FKBP11: variants seen among roughly 807,000 people sequenced by gnomAD.
FKBP11 encodes the protein peptidyl-prolyl cis-trans isomerase FKBP11.
A neutral mutation model predicts 24.7 loss-of-function variants in FKBP11; 21 were observed. The ratio of observed to expected loss-of-function variants is 0.85; its 90% CI spans 0.60 to 1.23. The LOEUF is 1.23. Among genes scored for constraint, FKBP11 ranks in the 50% most tolerant of loss-of-function variants. The pLI is 0.00. For missense variants in FKBP11, 245 were observed against 248.7 expected (o/e 0.99, Z 0.10); for synonymous variants, 106 against 100.6 (o/e 1.05, Z -0.32).
At chr12:48,928,268 C>T (rs1565702160), upstream of FKBP11, among the ~76,000 whole-genome samples, 2 of 151,564 alleles carry the variant, frequency 1.3e-5, no homozygotes, top group East Asian at 3.9e-4. Flanking sequence ...TGGTCTCGAA[C>T]TCCTGGAGTC....
Position 48,922,215 on chromosome 12 carries a change from G to A in FKBP11, c.389-14C>T, listed in dbSNP as rs1389021470. ...CCACTGCATCCGCTGGAGAGGCAGA[G>A]GGGTGGAGAGGGTTAGACTCTCTGC... On this transcript the variant is annotated splice_polypyrimidine_tract_variant and intron_variant, in intron 5 of 5. Coordinates refer to ENST00000550765, the MANE Select transcript of FKBP11 (RefSeq NM_016594.3). 6.2e-7 allele frequency: 1 copy of A among 1,605,882 alleles called. No homozygotes were observed. The highest frequency in any genetic ancestry group is 1.1e-5 in the South Asian group (1 of 90,766).
At chr12:48,928,337 G>A (rs1156907036), upstream of FKBP11, among the ~76,000 whole-genome samples, 2 of 150,744 alleles carry the variant, frequency 1.3e-5, no homozygotes. Context: ...CAGTCACCAC[G>A]CCCAGCTCAC....
chr12:48,932,229 A>ATT, the FKBP11 span, among the ~76,000 whole-genome samples: 3 of 24,720 alleles, frequency 1.2e-4, no homozygotes, highest in African/African-American at 5.9e-4. Context: ...ACATATATTT[A>ATT]TATATATATA....
chr12:48,927,825 G>A (rs990101898), upstream of FKBP11, among the ~76,000 whole-genome samples: 1 of 152,074 alleles, frequency 6.6e-6, no homozygotes, highest in East Asian at 1.9e-4. Context: ...GAAGCAAAAA[G>A]AAGCATAAGT....
intron 2 of FKBP11, 146 bp from the exon 3 acceptor site, chr12:48,924,794 C>T (rs1429729837): frequency 1.4e-6 from 2 of 1,463,926 alleles, no homozygotes; most frequent in Non-Finnish European, 1.8e-6. Flanking sequence ...AACAGGAAGC[C>T]CCAGAAGGCT....
chr12:48,925,085 C>G lies in FKBP11; in HGVS notation c.156G>C (p.Glu52Asp), dbSNP rs149689172. 1.9e-6 allele frequency: 3 copies of G among 1,610,760 alleles called. No homozygotes were observed. Among genetic ancestry groups the G allele is most frequent in the Non-Finnish European group, 2.5e-6 (3 of 1,178,638 alleles). The part of the protein sequence containing the change: ...TLVEPPEPCA[E>D]PAAFGDTLHI... Reference sequence around the variant, plus strand: ...GAAGCGTGTCTCCAAAAGCAGCGGGCTCGGCACATGGTTCTGGGGGCTCCA... The same window carrying G: ...GAAGCGTGTCTCCAAAAGCAGCGGGGTCGGCACATGGTTCTGGGGGCTCCA... Residue 52 changes from glutamate (E) to aspartate (D), a missense_variant, in exon 2 of 6, where the codon GAG (glutamate) becomes GAC (aspartate). Glu to Asp is a conservative substitution (Grantham distance 45, BLOSUM62 2). Coordinates refer to ENST00000550765, the MANE Select transcript of FKBP11 (RefSeq NM_016594.3).
upstream of FKBP11, among the ~76,000 whole-genome samples, chr12:48,931,079 A>G (rs375671030): frequency 7.4e-6 from 1 of 134,390 alleles, no homozygotes; most frequent in East Asian, 2.6e-4. Context: ...CAGTGAGCCG[A>G]GATCGCGCCA....
intron 3 of FKBP11, 97 bp downstream of exon 3, chr12:48,924,464 C>A: frequency 7.9e-7 from 1 of 1,258,066 alleles, no homozygotes; most frequent in Non-Finnish European, 1.2e-6. Flanking sequence ...GGGTCTTACT[C>A]ATTTCAGGGG....
upstream of FKBP11, chr12:48,925,713 T>C (rs1939951039): frequency 2.1e-6 from 1 of 471,138 alleles, no homozygotes; most frequent in East Asian, 3.5e-5. Context: ...ATAGCACCCA[T>C]TTACGATTAC....
intron 2 of FKBP11, 24 bp downstream of exon 2, chr12:48,925,022 G>GCCCCCCCCAC: frequency 1.2e-6 from 1 of 818,422 alleles, no homozygotes; most frequent in Non-Finnish European, 1.9e-6. Flanking sequence ...CCCAGGCCCC[G>GCCCCCCCCAC]CCCCGGCCCC....
intron 5 of FKBP11, 185 bp from the exon 6 acceptor site, chr12:48,922,386 T>C (rs572225672): frequency 1.4e-6 from 1 of 690,652 alleles, no homozygotes; most frequent in African/African-American, 1.8e-5. Context: ...AGTCCAGTGA[T>C]AATCATGTTG....
At chr12:48,932,279 T>C in the FKBP11 span, among the ~76,000 whole-genome samples, 4 of 63,200 alleles carry the variant, frequency 6.3e-5, no homozygotes, top group South Asian at 7.3e-4. Context: ...TTTTTTTTTT[T>C]TTTTTTTTTT....
At chr12:48,929,208 G>A (rs1940018725), upstream of FKBP11, among the ~76,000 whole-genome samples, 1 of 151,924 alleles carries the variant, frequency 6.6e-6, no homozygotes, top group Non-Finnish European at 1.5e-5. Flanking sequence ...ACATTTTTGG[G>A]AGGCTGAGGC....
chr12:48,928,818 C>CTTTTTTTTTTTTTTTTTTTT (rs1196484675), upstream of FKBP11, among the ~76,000 whole-genome samples: 2 of 94,234 alleles, frequency 2.1e-5, no homozygotes, highest in African/African-American at 7.8e-5. Context: ...AAACTTCTAT[C>CTTTTTTTTTTTTTTTTTTTT]TTTTTTTTTT....
In FKBP11 at chr12:48,924,236, CGAG is replaced by C; in HGVS notation, c.301_303del (p.Leu101del). Reference sequence around the variant, plus strand: ...CGAGATACTCACCCCACACACATGTCGAGAAGACTCTGCTCCAGACCTTGAAGA... The same window carrying C: ...CGAGATACTCACCCCACACACATGTCAAGACTCTGCTCCAGACCTTGAAGA... On this transcript the variant is annotated inframe_deletion, in exon 4 of 6. Transcript: ENST00000550765. The C allele has an allele frequency of 1.2e-6, 2 of 1,614,156 alleles. No homozygotes were observed. The highest frequency in any genetic ancestry group is 4.5e-5 in the East Asian group (2 of 44,886).
rs1222532652 is a variant in FKBP11 at position 48,925,116 on chromosome 12, G to T, written c.130-5C>A. On this transcript the variant is annotated splice_polypyrimidine_tract_variant and splice_region_variant and intron_variant, in intron 1 of 5. Coordinates refer to ENST00000550765, the MANE Select transcript of FKBP11 (RefSeq NM_016594.3). ...ACATGGTTCTGGGGGCTCCACCTAC[G>T]ATCGGACTACAGGGGTCACGGATGC... 1.2e-6 allele frequency: 2 copies of T among 1,611,622 alleles called. No homozygotes were observed. Among genetic ancestry groups the T allele is most frequent in the Non-Finnish European group, 1.7e-6 (2 of 1,178,818 alleles).
At chr12:48,929,266 G>A (rs1367560306), upstream of FKBP11, among the ~76,000 whole-genome samples, 1 of 152,066 alleles carries the variant, frequency 6.6e-6, no homozygotes, top group Non-Finnish European at 1.5e-5. Context: ...TGGGCAACAT[G>A]GCAAGACCCT....
At chr12:48,938,203 A>G in the FKBP11 span, 5 of 352,606 alleles carry the variant, frequency 1.4e-5, no homozygotes, top group South Asian at 1.0e-4. Context: ...AAGGGTGGAG[A>G]GAAGAGTACA....
chr12:48,937,210 A>C, the FKBP11 span: 13 of 152,258 alleles, frequency 8.5e-5, no homozygotes, highest in African/African-American at 3.1e-4. Flanking sequence ...GCTATCAACA[A>C]AAGTGGCCAG....
Sources: gnomAD v4.1 joint callset for allele counts (sites outside exome capture counted in the v4.1 genomes callset) on GRCh38, gnomAD v4.1.1 for gene constraint, MANE v1.5 for transcripts, NCBI Gene and HGNC (gene_info 2026-07-23, HGNC 2026-07-21) for gene names.